Variants in ERBIN observed in about 807,000 individuals in gnomAD.
The protein encoded by ERBIN is densin-180-like protein.
ERBIN carries 60 observed loss-of-function variants against 158.4 expected under a neutral mutation model. The observed-to-expected ratio is 0.38, with a 90% CI of 0.31 to 0.47. The LOEUF (loss-of-function observed/expected upper bound fraction) is 0.47. Among genes scored for constraint, ERBIN ranks in the 20% least tolerant of loss-of-function variants. The pLI is 0.99. For missense variants in ERBIN, 1,610 were observed against 1,648.0 expected (o/e 0.98, Z 0.40); for synonymous variants, 594 against 557.2 (o/e 1.07, Z -0.93).
rs754692241 is a variant in ERBIN at position 66,026,291 on chromosome 5, TTC to T, written c.1021-7_1021-6del. The T allele has an allele frequency of 6.4e-6, 10 of 1,557,614 alleles. No homozygotes were observed. Among genetic ancestry groups the T allele is most frequent in the South Asian group, 2.4e-5 (2 of 82,640 alleles). On this transcript the variant is annotated splice_polypyrimidine_tract_variant and intron_variant, in intron 12 of 25. Transcript: ENST00000284037. ...AAATTTTTTGATACTCAGTTTATAT[TTC>T]TCTTTCAGATTGGAAGCTGGAAAAA... is the stretch of plus-strand genomic sequence containing the variant.
intron 2 of ERBIN, among the ~76,000 whole-genome samples, chr5:65,991,233 T>C (rs1402818697): frequency 1.3e-5 from 2 of 152,216 alleles, no homozygotes; most frequent in African/African-American, 2.4e-5. Context: ...TATTTTAACA[T>C]TGGACATTTT....
At chr5:66,046,976 T>C (rs568143638) in intron 18 of ERBIN, among the ~76,000 whole-genome samples, 1 of 152,244 alleles carries the variant, frequency 6.6e-6, no homozygotes, top group Admixed American at 6.5e-5. Flanking sequence ...TATTGAGATA[T>C]AACTCACATA....
chr5:66,048,226 A>G (rs1758645411), intron 18 of ERBIN, among the ~76,000 whole-genome samples: 1 of 151,936 alleles, frequency 6.6e-6, no homozygotes, highest in African/African-American at 2.4e-5. Flanking sequence ...AAATAAGATC[A>G]GTAGAGTAGA....
intron 1 of ERBIN, among the ~76,000 whole-genome samples, chr5:65,954,938 G>A (rs1194018941): frequency 7.9e-5 from 12 of 151,972 alleles, no homozygotes; most frequent in Non-Finnish European, 1.5e-4. Context: ...GGTGGTGGGC[G>A]CATGTAATCC....
At chr5:65,934,829 A>G (rs1254476847) in intron 1 of ERBIN, among the ~76,000 whole-genome samples, 1 of 152,216 alleles carries the variant, frequency 6.6e-6, no homozygotes, top group Non-Finnish European at 1.5e-5. Flanking sequence ...TCGCAAGGAC[A>G]TAATGCATTA....
At chr5:65,973,289 A>G (rs1013979492) in intron 1 of ERBIN, among the ~76,000 whole-genome samples, 2 of 151,198 alleles carry the variant, frequency 1.3e-5, no homozygotes, top group Admixed American at 1.3e-4. Context: ...GCATTAGGAG[A>G]TATACCCAAT....
chr5:66,051,463 C>T (rs1449072393), intron 20 of ERBIN, among the ~76,000 whole-genome samples: 1 of 151,912 alleles, frequency 6.6e-6, no homozygotes, highest in Non-Finnish European at 1.5e-5. Context: ...ATTATTTAGG[C>T]TCTTGAGAAA....
chr5:65,985,086 A>C (rs1464593823), intron 1 of ERBIN, among the ~76,000 whole-genome samples: 1 of 152,192 alleles, frequency 6.6e-6, no homozygotes, highest in Non-Finnish European at 1.5e-5. Context: ...AAAAGGAATC[A>C]CATGACATTT....
intron 21 of ERBIN, among the ~76,000 whole-genome samples, chr5:66,064,740 C>T (rs745443648): frequency 4.6e-5 from 7 of 152,108 alleles, no homozygotes; most frequent in Admixed American, 6.5e-5. Flanking sequence ...TTTTGGCTCT[C>T]GTGGTGATGA....
At chr5:66,031,646 C>T (rs1442858209) in intron 14 of ERBIN, among the ~76,000 whole-genome samples, 1 of 152,112 alleles carries the variant, frequency 6.6e-6, no homozygotes, top group Non-Finnish European at 1.5e-5. Flanking sequence ...ACCTGGGAAA[C>T]ATAGCAAGAT....
chr5:66,081,939 C>CTCAGA lies in ERBIN; in HGVS notation c.*3410_*3414dup, dbSNP rs1762404621. The CTCAGA allele has an allele frequency of 6.6e-6, 1 of 151,796 alleles. No individual in the cohort carries two copies. The highest frequency in any genetic ancestry group is 6.6e-5 in the Admixed American group (1 of 15,252). The allele number at this position is 151,796 out of a possible 1,614,324, so 9.4% of individuals were successfully genotyped here. A position where few individuals can be genotyped will look rare whatever the true frequency, so the allele number is the denominator to read the frequency against. ...AAAAGTAATCTAGACAGGCAGCCAA[C>CTCAGA]TCAGACCTTTGGGTATTCCTTTGTT... On this transcript the variant is annotated 3_prime_UTR_variant, in exon 26 of 26. Transcript: ENST00000284037.
chr5:66,036,053 C>T (rs989192396), intron 14 of ERBIN, among the ~76,000 whole-genome samples: 1 of 152,092 alleles, frequency 6.6e-6, no homozygotes, highest in African/African-American at 2.4e-5. Flanking sequence ...CATGCCACTG[C>T]ACTCCAGCCT....
chr5:65,943,655 C>T (rs1256855437), intron 1 of ERBIN, among the ~76,000 whole-genome samples: 1 of 152,064 alleles, frequency 6.6e-6, no homozygotes, highest in Non-Finnish European at 1.5e-5. Context: ...TTAAAATTTC[C>T]CTTCTTTGGA....
chr5:66,004,578 T>C (rs1753383317), intron 4 of ERBIN, among the ~76,000 whole-genome samples: 1 of 152,146 alleles, frequency 6.6e-6, no homozygotes, highest in African/African-American at 2.4e-5. Context: ...TTTTTTGGTA[T>C]TTTCAGTTTA....
At chr5:65,981,640 T>C (rs185469437) in intron 1 of ERBIN, among the ~76,000 whole-genome samples, 22 of 150,444 alleles carry the variant, frequency 1.5e-4, no homozygotes, top group African/African-American at 5.3e-4. Context: ...GTTTTAGTTA[T>C]TTTTAAACAA....
At chr5:65,955,969 G>A (rs1158657253) in intron 1 of ERBIN, among the ~76,000 whole-genome samples, 1 of 152,204 alleles carries the variant, frequency 6.6e-6, no homozygotes, top group Non-Finnish European at 1.5e-5. Flanking sequence ...CCGCCCATTA[G>A]TCACTTAGTA....
Position 66,018,527 on chromosome 5 carries a change from T to TTATATATTATATATTA in ERBIN, c.534-2790_534-2789insATTATATATTATATAT, listed in dbSNP as rs1554058825. ...TATATTATATATTATATAATATATATTATATTATATAATATATATTATATA... is the reference window on the plus strand; with the variant it reads ...TATATTATATATTATATAATATATATTATATATTATATATTATATATTATATAATATATATTATATA... On this transcript the variant is annotated intron_variant, in intron 7 of 25. Transcript: ENST00000284037. Among the ~76,000 whole-genome samples, 4 of 4,570 alleles carry TTATATATTATATATTA rather than the reference T, an allele frequency of 8.8e-4. 1 individual carries two copies. The highest frequency in any genetic ancestry group is 1.8e-3 in the Non-Finnish European group (4 of 2,224). The allele number at this position is 4,570 out of a possible 152,430, so 3.0% of individuals were successfully genotyped here. A position where few individuals can be genotyped will look rare whatever the true frequency, so the allele number is the denominator to read the frequency against.
At chr5:66,038,636 C>T (rs114907709) in intron 15 of ERBIN, among the ~76,000 whole-genome samples, 154 bp downstream of exon 15, 1,695 of 152,086 alleles carry the variant, frequency 0.011, 26 homozygotes, top group African/African-American at 0.038. Flanking sequence ...AAATAGGGCA[C>T]GATTTCAGGG....
rs80277981 is a variant in ERBIN at position 66,024,675 on chromosome 5, A to T, written c.817+225A>T. ...CTCATTTTTATTTCTAATATATTTA[A>T]ATTCTTTAAAATAAGTTAACTTATG... On this transcript the variant is annotated intron_variant, in intron 10 of 25. Transcript: ENST00000284037. 5.2e-3 allele frequency among the ~76,000 whole-genome samples: 788 copies of T among 152,138 alleles called. 2 individuals carry two copies. The highest frequency in any genetic ancestry group is 8.8e-3 in the Non-Finnish European group (595 of 67,952).
Sources: allele counts gnomAD v4.1 joint callset (sites outside exome capture counted in the v4.1 genomes callset), GRCh38; gene constraint gnomAD v4.1.1; transcripts MANE v1.5; gene names NCBI Gene and HGNC (gene_info 2026-07-23, HGNC 2026-07-21).